The following SLC25A26 variants were observed in gnomAD, a reference collection of about 807,000 sequenced individuals.
SLC25A26 encodes mitochondrial S-adenosylmethionine carrier protein.
SLC25A26 carries 36 observed loss-of-function variants against 37.8 expected under a neutral mutation model. The ratio of observed to expected loss-of-function variants is 0.95; its 90% confidence interval spans 0.73 to 1.26. The LOEUF (loss-of-function observed/expected upper bound fraction) is 1.26, where lower values mean the gene tolerates loss of function less well. Ranked by LOEUF, SLC25A26 falls within the 50% of genes most tolerant of loss-of-function variation. SLC25A26 has a pLI of 0.00. For missense variants in SLC25A26, 390 were observed against 331.1 expected, an observed-to-expected ratio of 1.18 and a Z score of -1.38; for synonymous variants, 129 against 122.5, an observed-to-expected ratio of 1.05 and a Z score of -0.35.
At chr3:66,263,949 C>T (rs148422946) in intron 5 of SLC25A26, among the ~76,000 whole-genome samples, 51 of 152,142 alleles carry the variant, frequency 3.4e-4, no homozygotes, top group Middle Eastern at 3.4e-3. Context: ...TGAGTCGCCG[C>T]GCCCGGCCTC....
intron 6 of SLC25A26, among the ~76,000 whole-genome samples, chr3:66,354,542 T>C (rs1439769778): frequency 6.6e-6 from 1 of 152,206 alleles, no homozygotes; most frequent in Non-Finnish European, 1.5e-5. Context: ...GTTTTCAAGT[T>C]CAAGAATAAA....
At chr3:66,363,767 TTTG>T (rs952969996) in intron 7 of SLC25A26, among the ~76,000 whole-genome samples, 2 of 152,208 alleles carry the variant, frequency 1.3e-5, no homozygotes, top group African/African-American at 2.4e-5. Flanking sequence ...AATGGTCATT[TTTG>T]TTGTTGTTGT....
chr3:66,286,673 T>C (rs1043435973), intron 5 of SLC25A26, among the ~76,000 whole-genome samples: 8 of 152,164 alleles, frequency 5.3e-5, no homozygotes, highest in African/African-American at 1.9e-4. Flanking sequence ...TCCCTTCGTT[T>C]TTTAATTTAA....
chr3:66,326,844 C>G (rs2075851261), intron 5 of SLC25A26, among the ~76,000 whole-genome samples: 1 of 152,160 alleles, frequency 6.6e-6, no homozygotes. Flanking sequence ...AAAGCCCGGA[C>G]AGTCGAGTCT....
intron 5 of SLC25A26, among the ~76,000 whole-genome samples, chr3:66,325,082 G>A (rs1168250361): frequency 6.6e-6 from 1 of 152,144 alleles, no homozygotes; most frequent in East Asian, 1.9e-4. Context: ...CTTTATGTTG[G>A]AGGATTGACA....
chr3:66,250,444 G>A (rs973333234), intron 3 of SLC25A26, among the ~76,000 whole-genome samples: 3 of 152,208 alleles, frequency 2.0e-5, no homozygotes, highest in Non-Finnish European at 2.9e-5. Flanking sequence ...GTGCAAGAGT[G>A]AGATGCATTC....
chr3:66,331,424 A>T (rs1344958353), intron 5 of SLC25A26, among the ~76,000 whole-genome samples: 1 of 152,156 alleles, frequency 6.6e-6, no homozygotes, highest in Non-Finnish European at 1.5e-5. Flanking sequence ...AAAAAATCCC[A>T]TTTAGTCATT....
chr3:66,186,581 T>C (rs944596976), intron 1 of SLC25A26, among the ~76,000 whole-genome samples: 108 of 152,180 alleles, frequency 7.1e-4, no homozygotes, highest in African/African-American at 2.6e-3. Context: ...AACCTGACCA[T>C]AAATTTGAAC....
intron 3 of SLC25A26, 45 bp downstream of exon 3, chr3:66,243,357 C>A: frequency 2.2e-6 from 2 of 916,942 alleles, no homozygotes; most frequent in South Asian, 1.5e-5. Context: ...AAATGCACAT[C>A]ATGCATATAT....
chr3:66,139,670 C>A (rs993560144), intron 1 of SLC25A26, among the ~76,000 whole-genome samples: 1 of 152,086 alleles, frequency 6.6e-6, no homozygotes, highest in Non-Finnish European at 1.5e-5. Flanking sequence ...TACAGATGGT[C>A]GGCTGCAGTG....
chr3:66,351,284 T>A (rs368128921), intron 6 of SLC25A26, among the ~76,000 whole-genome samples: 1 of 152,188 alleles, frequency 6.6e-6, no homozygotes, highest in Non-Finnish European at 1.5e-5. Flanking sequence ...TTCTTTTCTT[T>A]ATTATACATA....
rs180844870 is a variant in SLC25A26, at chr3:66,162,037, T to C, written c.-354+28053T>C. On this transcript the variant is annotated intron_variant, in intron 1 of 10. Transcript: ENST00000676754. ...GACCTGGTGGCTTCAACAAGAGAAA[T>C]TGATTTTCTCACAGTTCTGGAGCCT... Among the ~76,000 whole-genome samples the C allele has an allele frequency of 4.8e-3, 731 of 152,216 alleles. 7 individuals are homozygous for C. The highest frequency in any genetic ancestry group is 0.016 in the African/African-American group (681 of 41,546).
At chr3:66,185,095 C>T (rs1021302771) in intron 1 of SLC25A26, among the ~76,000 whole-genome samples, 2 of 152,144 alleles carry the variant, frequency 1.3e-5, no homozygotes, top group South Asian at 2.1e-4. Flanking sequence ...AAACTCTGTA[C>T]CCGTTAAATA....
chr3:66,359,192 C>T (rs2076642298), intron 6 of SLC25A26, among the ~76,000 whole-genome samples: 1 of 152,074 alleles, frequency 6.6e-6, no homozygotes, highest in East Asian at 1.9e-4. Flanking sequence ...TGTGTTTTTT[C>T]GCCCCCTGGC....
At chr3:66,349,654 C>T (rs1298069024) in intron 6 of SLC25A26, among the ~76,000 whole-genome samples, 6 of 152,060 alleles carry the variant, frequency 3.9e-5, no homozygotes, top group Non-Finnish European at 8.8e-5. Context: ...ATAAAGCTGT[C>T]GTAAGTATTT....
At chr3:66,139,442 A>G (rs1256416486) in intron 1 of SLC25A26, among the ~76,000 whole-genome samples, 1 of 152,242 alleles carries the variant, frequency 6.6e-6, no homozygotes, top group Admixed American at 6.5e-5. Flanking sequence ...CATAATTTAT[A>G]GTGATTTAGC....
chr3:66,327,485 A>T (rs562038367), intron 5 of SLC25A26, among the ~76,000 whole-genome samples: 114 of 152,294 alleles, frequency 7.5e-4, no homozygotes, highest in Middle Eastern at 3.4e-3. Flanking sequence ...CTTAAAATAT[A>T]TTTGTTAACC....
intron 5 of SLC25A26, among the ~76,000 whole-genome samples, chr3:66,334,255 C>G (rs1280254383): frequency 6.6e-6 from 1 of 152,168 alleles, no homozygotes; most frequent in African/African-American, 2.4e-5. Flanking sequence ...AATTTTGAGA[C>G]TTAGCCAATG....
chr3:66,212,808 T>G (rs2071302255), intron 1 of SLC25A26, among the ~76,000 whole-genome samples: 5 of 152,202 alleles, frequency 3.3e-5, no homozygotes, highest in Non-Finnish European at 7.3e-5. Flanking sequence ...TTGTAGCATG[T>G]GCCAGGATCT....
Sources: allele counts gnomAD v4.1 joint callset (sites outside exome capture counted in the v4.1 genomes callset), GRCh38; gene constraint gnomAD v4.1.1; transcripts MANE v1.5; gene names NCBI Gene and HGNC (gene_info 2026-07-23, HGNC 2026-07-21).